UBA6: variants seen among roughly 807,000 people sequenced by gnomAD.
UBA6 encodes the protein ubiquitin-like modifier-activating enzyme 6.
Under a neutral mutation model 148.3 loss-of-function variants are expected in UBA6, and 87 were observed. The observed-to-expected ratio is 0.59, with a 90% confidence interval of 0.49 to 0.70. The LOEUF (loss-of-function observed/expected upper bound fraction) is 0.70, where lower values mean the gene tolerates loss of function less well. Ranked by LOEUF, UBA6 falls within the 30% of genes least tolerant of loss-of-function variation. The pLI is 0.00. For missense variants in UBA6, 1,186 were observed against 1,241.2 expected (o/e 0.96, Z 0.67); for synonymous variants, 376 against 401.0 (o/e 0.94, Z 0.75).
intron 6 of UBA6, among the ~76,000 whole-genome samples, chr4:67,676,747 T>C (rs1730289812): frequency 6.6e-6 from 1 of 152,180 alleles, no homozygotes; most frequent in Non-Finnish European, 1.5e-5. Flanking sequence ...TCTGAGCATT[T>C]TCCTTACATT....
chr4:67,673,736 C>G lies in UBA6; in HGVS notation c.507G>C (p.Lys169Asn), dbSNP rs1157344625. The change falls in exon 7 of 33, where the codon AAG (lysine) becomes AAC (asparagine). Residue 169 changes from lysine (K) to asparagine (N), a missense_variant. Coordinates refer to ENST00000322244, the MANE Select transcript of UBA6 (RefSeq NM_018227.6). ...ACTGAGAACGGCAAAAGTCATTGAT[C>G]TTCTTCTGCAATGGAAGTTTCATCT... ...LTEMKLPLQK[K>N]INDFCRSQCP... is the part of the protein sequence containing the mutation. 1.9e-6 allele frequency: 3 copies of G among 1,611,960 alleles called. No individual in the cohort carries two copies. In the African/African-American group the frequency reaches 4.0e-5, roughly 22 times the overall value.
chr4:67,695,885 T>C (rs949701265), intron 2 of UBA6, among the ~76,000 whole-genome samples: 12 of 152,180 alleles, frequency 7.9e-5, no homozygotes, highest in South Asian at 2.1e-4. Context: ...TTATTGACTC[T>C]GCATCTTTTT....
chr4:67,630,389 T>G (rs1164244841), intron 26 of UBA6, 77 bp downstream of exon 26: 2 of 892,078 alleles, frequency 2.2e-6, no homozygotes, highest in Non-Finnish European at 3.5e-6. Flanking sequence ...CAAACATGTT[T>G]TGATGCAATT....
intron 14 of UBA6, among the ~76,000 whole-genome samples, chr4:67,648,091 C>T (rs1729464078): frequency 6.6e-6 from 1 of 151,660 alleles, no homozygotes; most frequent in African/African-American, 2.4e-5. Flanking sequence ...ATCTTTAAAC[C>T]AGATTTTTAC....
chr4:67,623,465 T>G (rs973501598), intron 30 of UBA6, among the ~76,000 whole-genome samples: 3 of 152,170 alleles, frequency 2.0e-5, no homozygotes, highest in African/African-American at 7.2e-5. Flanking sequence ...TATAAATCAG[T>G]ATGTTTTAGC....
intron 6 of UBA6, among the ~76,000 whole-genome samples, chr4:67,674,928 G>A (rs1175335570): frequency 3.3e-5 from 5 of 151,920 alleles, no homozygotes; most frequent in South Asian, 2.1e-4. Context: ...GCAGTGGTGC[G>A]ATCTGGGCTC....
At chr4:67,624,359 T>C (rs1455901554) in intron 29 of UBA6, 106 bp from the exon 30 acceptor site, 1 of 1,019,284 alleles carries the variant, frequency 9.8e-7, no homozygotes. Context: ...CTGTGGATAG[T>C]AAAAGCAGCT....
At chr4:67,686,672 T>C (rs913332187) in intron 2 of UBA6, among the ~76,000 whole-genome samples, 19 of 151,954 alleles carry the variant, frequency 1.3e-4, no homozygotes, top group South Asian at 2.1e-4. Context: ...TTGGGTGTAG[T>C]AGGGTGCGAT....
chr4:67,690,459 T>C (rs951595056), intron 2 of UBA6, among the ~76,000 whole-genome samples: 13 of 151,886 alleles, frequency 8.6e-5, no homozygotes, highest in Non-Finnish European at 2.9e-5. Context: ...TGGGACTATA[T>C]GAAACTAAAA....
intron 19 of UBA6, among the ~76,000 whole-genome samples, chr4:67,636,712 G>A (rs1374606471): frequency 6.6e-6 from 1 of 152,244 alleles, no homozygotes; most frequent in Non-Finnish European, 1.5e-5. Flanking sequence ...TGCCCAGGCT[G>A]GAGTGCAGTG....
At chr4:67,632,077 G>A (rs1015408778) in intron 23 of UBA6, among the ~76,000 whole-genome samples, 169 bp from the exon 24 acceptor site, 9 of 152,118 alleles carry the variant, frequency 5.9e-5, no homozygotes, top group African/African-American at 2.2e-4. Context: ...TATTCCATCT[G>A]TCCATTCTCC....
intron 8 of UBA6, 80 bp from the exon 9 acceptor site, chr4:67,668,754 G>A: frequency 7.3e-7 from 1 of 1,361,364 alleles, no homozygotes; most frequent in Non-Finnish European, 1.0e-6. Context: ...AAGCAAAAAT[G>A]ACAAAGTTAC....
chr4:67,693,658 G>A (rs1019760286), intron 2 of UBA6, among the ~76,000 whole-genome samples: 4 of 152,086 alleles, frequency 2.6e-5, no homozygotes, highest in African/African-American at 9.7e-5. Flanking sequence ...AAAATAACTC[G>A]GTAAGCTATA....
chr4:67,623,951 CT>C (rs1310126389), intron 30 of UBA6, among the ~76,000 whole-genome samples, 174 bp downstream of exon 30: 2 of 151,942 alleles, frequency 1.3e-5, no homozygotes, highest in African/African-American at 4.8e-5. Context: ...TCTTTGGCTA[CT>C]TTAGTCAGAA....
chr4:67,627,358 C>CGGTGTGAGCTCCTTTAGGG (rs1728891503), intron 27 of UBA6, among the ~76,000 whole-genome samples: 1 of 151,722 alleles, frequency 6.6e-6, no homozygotes, highest in Non-Finnish European at 1.5e-5. Context: ...CCTGAAACTT[C>CGGTGTGAGCTCCTTTAGGG]GGTGTGAGCT....
At chr4:67,698,268 C>T (rs1187451616) in intron 1 of UBA6, among the ~76,000 whole-genome samples, 1 of 152,160 alleles carries the variant, frequency 6.6e-6, no homozygotes, top group East Asian at 1.9e-4. Context: ...ACTCATTAAC[C>T]TGTCAGTTTC....
intron 19 of UBA6, 56 bp downstream of exon 19, chr4:67,638,887 A>T (rs1341000123): frequency 7.5e-7 from 1 of 1,328,032 alleles, no homozygotes; most frequent in Admixed American, 1.9e-5. Context: ...GTAATGTGGG[A>T]AACAGAAGTG....
At chr4:67,680,686 C>T (rs1730411664) in intron 4 of UBA6, among the ~76,000 whole-genome samples, 1 of 152,192 alleles carries the variant, frequency 6.6e-6, no homozygotes, top group Admixed American at 6.5e-5. Context: ...AGTATTTAGG[C>T]TTTCGTGTGA....
intron 1 of UBA6, among the ~76,000 whole-genome samples, chr4:67,697,647 C>T (rs1245027289): frequency 2.6e-5 from 4 of 152,192 alleles, no homozygotes; most frequent in African/African-American, 4.8e-5. Context: ...GATCTTCTTG[C>T]TTAAATCATT....
Sources: gnomAD v4.1 joint callset for allele counts (sites outside exome capture counted in the v4.1 genomes callset) on GRCh38, gnomAD v4.1.1 for gene constraint, MANE v1.5 for transcripts, NCBI Gene and HGNC (gene_info 2026-07-23, HGNC 2026-07-21) for gene names.